PDS5B: variants seen among roughly 807,000 people sequenced by gnomAD.
PDS5B encodes the protein sister chromatid cohesion protein PDS5 homolog B.
In PDS5B, 51 loss-of-function variants were observed where a neutral mutation model predicts 184.1. The ratio of observed to expected loss-of-function variants is 0.28; its 90% CI spans 0.22 to 0.35. The LOEUF (loss-of-function observed/expected upper bound fraction) is 0.35, where lower values mean the gene tolerates loss of function less well. Among genes scored for constraint, PDS5B ranks in the 10% least tolerant of loss-of-function variants. PDS5B has a pLI of 1.00. For synonymous variants in PDS5B, 566 were observed against 569.2 expected (o/e 0.99, Z 0.08); for missense variants, 1,180 against 1,723.3 (o/e 0.68, Z 5.58).
At chr13:32,755,983 T>A (rs992202661) in intron 26 of PDS5B, 27 bp downstream of exon 26, 1 of 1,120,956 alleles carries the variant, frequency 8.9e-7, no homozygotes, top group African/African-American at 1.6e-5. Context: ...CCCATTTTCA[T>A]ATTTTCTGAA....
At chr13:32,626,823 A>T (rs1180130429) in intron 1 of PDS5B, among the ~76,000 whole-genome samples, 6 of 152,214 alleles carry the variant, frequency 3.9e-5, no homozygotes, top group Non-Finnish European at 8.8e-5. Context: ...AAGTAGCCTA[A>T]TAAGTATTTA....
At chr13:32,670,598 T>C (rs1267747082) in intron 7 of PDS5B, among the ~76,000 whole-genome samples, 2 of 152,122 alleles carry the variant, frequency 1.3e-5, no homozygotes, top group African/African-American at 2.4e-5. Flanking sequence ...ACATATATAT[T>C]TGTTTAAAAG....
chr13:32,740,833 C>T (rs9596191), intron 21 of PDS5B, among the ~76,000 whole-genome samples: 1,837 of 152,008 alleles, frequency 0.012, 39 homozygotes, highest in African/African-American at 0.041. Context: ...GTTAGTCCCA[C>T]CACAGACCTA....
chr13:32,703,881 T>A (rs759982053), intron 17 of PDS5B, among the ~76,000 whole-genome samples: 2 of 152,176 alleles, frequency 1.3e-5, no homozygotes, highest in Non-Finnish European at 2.9e-5. Flanking sequence ...TTCATTTATG[T>A]CTTGGCTAAT....
intron 1 of PDS5B, among the ~76,000 whole-genome samples, chr13:32,634,870 CG>C (rs1214561323): frequency 6.6e-6 from 1 of 151,510 alleles, no homozygotes; most frequent in Non-Finnish European, 1.5e-5. Context: ...CATGAGCCAC[CG>C]TGCCCAGCCA....
intron 1 of PDS5B, among the ~76,000 whole-genome samples, chr13:32,602,810 T>G (rs191271075): frequency 2.6e-5 from 4 of 152,170 alleles, no homozygotes; most frequent in Admixed American, 1.3e-4. Flanking sequence ...GACATGGTAT[T>G]TCATTGTGGT....
At chr13:32,716,801 C>G (rs1313834778) in intron 19 of PDS5B, among the ~76,000 whole-genome samples, 1 of 83,782 alleles carries the variant, frequency 1.2e-5, no homozygotes, top group Non-Finnish European at 3.3e-5. Flanking sequence ...GTGGGGGGGT[C>G]AGCCCCCTGC....
At position 32,696,920 on chromosome 13, in the gene PDS5B, C is replaced by A. The variant is rs1404969310; in HGVS notation, c.1600+18C>A. ...TATTACAAGTAAGTTATTTTAAAAT[C>A]TGTATAAAAATGTAATTTTTATTGG... On this transcript the variant is annotated intron_variant, in intron 15 of 34. Transcript: ENST00000315596. 3 of 1,423,580 alleles carry A rather than the reference C, an allele frequency of 2.1e-6. No homozygotes were observed. The highest frequency in any genetic ancestry group is 2.9e-6 in the Non-Finnish European group (3 of 1,022,348). The allele number at this position is 1,423,580 out of a possible 1,614,324, so 88.2% of individuals were successfully genotyped here. A position where few individuals can be genotyped will look rare whatever the true frequency, so the allele number is the denominator to read the frequency against.
chr13:32,752,430 A>G (rs1954018730), intron 24 of PDS5B, among the ~76,000 whole-genome samples: 1 of 152,158 alleles, frequency 6.6e-6, no homozygotes, highest in Admixed American at 6.6e-5. Flanking sequence ...GTTCAGAAAA[A>G]CTTCTGATCA....
At chr13:32,687,487 A>C (rs1951430652) in intron 12 of PDS5B, among the ~76,000 whole-genome samples, 2 of 152,194 alleles carry the variant, frequency 1.3e-5, no homozygotes, top group African/African-American at 4.8e-5. Flanking sequence ...GGATGGGTAC[A>C]GGTTTTACGT....
chr13:32,593,763 C>T (rs1001781543), intron 1 of PDS5B, among the ~76,000 whole-genome samples: 1 of 151,996 alleles, frequency 6.6e-6, no homozygotes, highest in African/African-American at 2.4e-5. Flanking sequence ...CGTCAGCCTT[C>T]TTGTCTTCCT....
chr13:32,643,272 C>G (rs562396794), intron 1 of PDS5B, among the ~76,000 whole-genome samples: 2 of 152,226 alleles, frequency 1.3e-5, no homozygotes. Context: ...AGGAATGTAA[C>G]TATGAACTTG....
chr13:32,672,320 G>A (rs990537917), intron 7 of PDS5B, among the ~76,000 whole-genome samples: 1 of 148,232 alleles, frequency 6.7e-6, no homozygotes, highest in Non-Finnish European at 1.5e-5. Flanking sequence ...ACCCTTGGGA[G>A]ATTAAGACAT....
chr13:32,773,678 T>TA (rs1238643555), intron 34 of PDS5B, among the ~76,000 whole-genome samples: 1 of 152,226 alleles, frequency 6.6e-6, no homozygotes, highest in African/African-American at 2.4e-5. Context: ...TTGGGTTTCA[T>TA]AATAGAAATT....
chr13:32,748,688 C>G (rs1303110212), intron 24 of PDS5B, among the ~76,000 whole-genome samples: 1 of 151,904 alleles, frequency 6.6e-6, no homozygotes, highest in Non-Finnish European at 1.5e-5. Context: ...TTTCCCAGAT[C>G]TATTCTTTCT....
At chr13:32,643,010 A>C (rs538575611) in intron 1 of PDS5B, among the ~76,000 whole-genome samples, 1 of 152,120 alleles carries the variant, frequency 6.6e-6, no homozygotes, top group African/African-American at 2.4e-5. Context: ...GTGCTTGATA[A>C]ATTTTTGGTT....
Position 32,770,568 on chromosome 13 carries a change from TGTG to T in PDS5B, c.4064+9_4064+11del, listed in dbSNP as rs1954747633. 1 of 1,602,938 alleles carries T rather than the reference TGTG, an allele frequency of 6.2e-7. No homozygotes were observed. Among genetic ancestry groups the T allele is most frequent in the Non-Finnish European group, 8.5e-7 (1 of 1,176,626 alleles). ...AAGGAGAGCACAGCAGAGGTAAGCA[TGTG>T]TAACTCTAAACTGCATCTGTTTCGT... On this transcript the variant is annotated intron_variant, in intron 32 of 34. Transcript: ENST00000315596.
At chr13:32,661,098 A>G (rs1349165490) in intron 6 of PDS5B, among the ~76,000 whole-genome samples, 2 of 152,138 alleles carry the variant, frequency 1.3e-5, no homozygotes, top group African/African-American at 2.4e-5. Context: ...TAGCAATGAA[A>G]AATGGCTGGG....
intron 17 of PDS5B, among the ~76,000 whole-genome samples, chr13:32,703,601 C>T (rs1054503573): frequency 6.6e-6 from 1 of 152,196 alleles, no homozygotes; most frequent in Non-Finnish European, 1.5e-5. Flanking sequence ...AACCTTCTCA[C>T]TGCTGGAGTG....
Sources: gnomAD v4.1 joint callset for allele counts (sites outside exome capture counted in the v4.1 genomes callset) on GRCh38, gnomAD v4.1.1 for gene constraint, MANE v1.5 for transcripts, NCBI Gene and HGNC (gene_info 2026-07-23, HGNC 2026-07-21) for gene names.